DCAF12: variants seen among roughly 807,000 people sequenced by gnomAD.
The protein encoded by DCAF12 is DDB1- and CUL4-associated factor 12.
In DCAF12, 28 loss-of-function variants were observed where a neutral mutation model predicts 52.8. The observed-to-expected ratio is 0.53, with a 90% CI of 0.39 to 0.73. The LOEUF is 0.73. Among genes scored for constraint, DCAF12 ranks in the 30% least tolerant of loss-of-function variants. The pLI is 0.00. For missense variants in DCAF12, 425 were observed against 552.2 expected, an observed-to-expected ratio of 0.77 and a Z score of 2.31; for synonymous variants, 196 against 215.5, an observed-to-expected ratio of 0.91 and a Z score of 0.79.
intron 2 of DCAF12, 42 bp downstream of exon 2, chr9:34,124,981 T>G (rs751518054): frequency 6.9e-6 from 11 of 1,605,108 alleles, no homozygotes; most frequent in Non-Finnish European, 9.4e-6. Context: ...GAGCAATATA[T>G]CCACGACCTA....
chr9:34,115,047 T>C lies in DCAF12; in HGVS notation c.334-7482A>G, dbSNP rs554430906. Among the ~76,000 whole-genome samples, 8 of 152,224 alleles carry C rather than the reference T, an allele frequency of 5.3e-5. No homozygotes were observed. The East Asian group carries it at 1.4e-3, about 26-fold the overall frequency. ...TCTAAAATTCAAGGGTGTTTCAGAC[T>C]GGAGCCCAATGAGAAAGGAAAGTAA... On this transcript the variant is annotated intron_variant, in intron 2 of 8. Coordinates refer to ENST00000361264, the MANE Select transcript of DCAF12 (RefSeq NM_015397.4).
rs1381970166 is a variant in DCAF12, at chr9:34,107,557, G to A, written c.342C>T (p.Val114=). ...VCGTKCNTLF[V]VDVQTSQITK... ...TGATCTGGCTTGTCTGGACATCTAC[G>A]ACAAATAGCTACAAGAAAAAATGGA... The change falls in exon 3 of 9, where the codon GTC becomes GTT. Residue 114 remains valine, a synonymous_variant. Coordinates refer to ENST00000361264, the MANE Select transcript of DCAF12 (RefSeq NM_015397.4). 4.3e-6 allele frequency: 7 copies of A among 1,613,990 alleles called. No homozygotes were observed. Among genetic ancestry groups the A allele is most frequent in the South Asian group, 2.2e-5 (2 of 91,058 alleles).
In DCAF12 at chr9:34,107,346, TG is replaced by T. The variant is rs1237861913; in HGVS notation, c.540+12del. The T allele has an allele frequency of 2.5e-6, 4 of 1,613,300 alleles. No homozygotes were observed. The highest frequency in any genetic ancestry group is 2.5e-6 in the Non-Finnish European group (3 of 1,179,468). ...CAAGGCTCCCTCCAACTACAACTAC[TG>T]GGAAAACTTACATCTCCTACACACA... On this transcript the variant is annotated intron_variant, in intron 3 of 8. Coordinates refer to ENST00000361264, the MANE Select transcript of DCAF12 (RefSeq NM_015397.4).
chr9:34,100,368 T>A (rs1828808928), intron 4 of DCAF12, among the ~76,000 whole-genome samples: 1 of 151,358 alleles, frequency 6.6e-6, no homozygotes. Context: ...CTGGCTAATT[T>A]TTTGTATTTT....
intron 2 of DCAF12, among the ~76,000 whole-genome samples, chr9:34,111,938 T>C (rs1013070307): frequency 1.4e-4 from 21 of 150,490 alleles, no homozygotes; most frequent in African/African-American, 5.1e-4. Context: ...AGTTCAAGAC[T>C]AGCCTGGCAA....
Position 34,096,730 on chromosome 9 carries a change from T to C in DCAF12, c.847A>G (p.Asn283Asp), listed in dbSNP as rs1179878334. Reference protein sequence around the residue: ...DGYFHLWKAENTLSKLLSTKL... With the variant: ...DGYFHLWKAEDTLSKLLSTKL... Reference sequence around the variant, plus strand: ...GTTCATCACACCTTAGATAGTGTATTTTCAGCCTTCCAGAGATGAAAGTAG... The same window carrying C: ...GTTCATCACACCTTAGATAGTGTATCTTCAGCCTTCCAGAGATGAAAGTAG... Residue 283 changes from asparagine to aspartate, a missense_variant, in exon 6 of 9, where the codon AAT becomes GAT. Transcript: ENST00000361264. The C allele has an allele frequency of 6.2e-7, 1 of 1,614,062 alleles. No homozygotes were observed. Among genetic ancestry groups the C allele is most frequent in the Non-Finnish European group, 8.5e-7 (1 of 1,179,988 alleles).
intron 7 of DCAF12, among the ~76,000 whole-genome samples, chr9:34,091,496 T>TCC (rs1828643036): frequency 6.6e-6 from 1 of 151,284 alleles, no homozygotes; most frequent in South Asian, 2.1e-4. Context: ...ATTAGCTGAA[T>TCC]GAGGTGGCGG....
At chr9:34,101,632 T>C (rs1828831253) in intron 4 of DCAF12, among the ~76,000 whole-genome samples, 1 of 149,022 alleles carries the variant, frequency 6.7e-6, no homozygotes, top group Non-Finnish European at 1.5e-5. Flanking sequence ...CCTCAGGTGA[T>C]CCACCCTCCT....
chr9:34,117,686 G>A (rs537368646), intron 2 of DCAF12, among the ~76,000 whole-genome samples: 7 of 152,190 alleles, frequency 4.6e-5, no homozygotes, highest in African/African-American at 1.2e-4. Context: ...AGGCCCAGGC[G>A]GGAGGATCAC....
At chr9:34,108,424 A>C (rs545439149) in intron 2 of DCAF12, among the ~76,000 whole-genome samples, 1 of 152,348 alleles carries the variant, frequency 6.6e-6, no homozygotes, top group Non-Finnish European at 1.5e-5. Flanking sequence ...AAACATGTCA[A>C]ACCTTTACAT....
chr9:34,097,063 T>G (rs10971911), intron 5 of DCAF12, among the ~76,000 whole-genome samples: 1 of 151,864 alleles, frequency 6.6e-6, no homozygotes, highest in South Asian at 2.1e-4. Context: ...GCAGGGCACA[T>G]ATGTGAAGGA....
At chr9:34,098,175 C>G (rs1828769642) in intron 5 of DCAF12, 149 bp downstream of exon 5, 1 of 790,138 alleles carries the variant, frequency 1.3e-6, no homozygotes. Flanking sequence ...GTTATAATTT[C>G]TCACCAGCAT....
Position 34,089,602 on chromosome 9 carries a change from A to G in DCAF12, c.1025-12T>C. ...CACTGACCGGATTCCTGAAAGACAG[A>G]AAAGTAAAAGGCAGTGAGGCGGGAG... On this transcript the variant is annotated splice_polypyrimidine_tract_variant and intron_variant, in intron 7 of 8. Transcript: ENST00000361264. 1 of 1,595,790 alleles carries G rather than the reference A, an allele frequency of 6.3e-7. No individual in the cohort carries two copies. Among genetic ancestry groups the G allele is most frequent in the Non-Finnish European group, 8.6e-7 (1 of 1,169,022 alleles).
chr9:34,121,342 C>A (rs1242613376), intron 2 of DCAF12, among the ~76,000 whole-genome samples: 1 of 152,156 alleles, frequency 6.6e-6, no homozygotes, highest in Non-Finnish European at 1.5e-5. Context: ...CCATCTGGAG[C>A]AAAGTGCTAT....
chr9:34,126,556 C>T lies in DCAF12; in HGVS notation c.-125G>A, dbSNP rs1443753305. ...TAGTGCGCCCGGCCCGGAAAATGGC[C>T]CGGACCCGGAGCGGCAGCAGAAAAA... is the stretch of plus-strand genomic sequence containing the variant. On this transcript the variant is annotated 5_prime_UTR_variant, in exon 1 of 9. Transcript: ENST00000361264. 1.9e-6 allele frequency: 2 copies of T among 1,045,566 alleles called. No individual in the cohort carries two copies. Among genetic ancestry groups the T allele is most frequent in the Non-Finnish European group, 2.7e-6 (2 of 745,724 alleles). 64.8% of individuals were successfully genotyped at this position (1,045,566 alleles called of 1,614,324 possible). A position where few individuals can be genotyped will look rare whatever the true frequency, so the allele number is the denominator to read the frequency against.
intron 1 of DCAF12, chr9:34,125,536 C>T: frequency 1.7e-6 from 1 of 592,682 alleles, no homozygotes; most frequent in Non-Finnish European, 3.3e-6. Flanking sequence ...ATAGAACAGA[C>T]TAAAAGGTTT....
intron 2 of DCAF12, among the ~76,000 whole-genome samples, chr9:34,120,802 C>T (rs185731628): frequency 6.6e-6 from 1 of 152,082 alleles, no homozygotes; most frequent in East Asian, 1.9e-4. Flanking sequence ...GGCCACTCTG[C>T]AACTGTGATA....
Position 34,093,389 on chromosome 9 carries a change from T to G in DCAF12, c.921A>C (p.Glu307Asp), listed in dbSNP as rs748441165. 78 of 1,614,060 alleles carry G rather than the reference T, an allele frequency of 4.8e-5. No homozygotes were observed. In the Admixed American group the frequency reaches 1.3e-3, roughly 27 times the overall value. ...RENVCLAYGS[E>D]WSVYAVGSQA... Reference sequence around the variant, plus strand: ...GGGAGCCCACTGCATAAACTGACCATTCACTACCATAAGCCAGACACACAT... The same window carrying G: ...GGGAGCCCACTGCATAAACTGACCAGTCACTACCATAAGCCAGACACACAT... The change falls in exon 7 of 9, where the codon GAA becomes GAC. Residue 307 changes from glutamate to aspartate, a missense_variant. By Grantham distance (45) the Glu-to-Asp change is conservative. Around this residue, in one of 3 missense-constraint regions of DCAF12, gnomAD observed 328 missense variants for 444.4 expected, o/e 0.74. Coordinates refer to ENST00000361264, the MANE Select transcript of DCAF12 (RefSeq NM_015397.4).
intron 2 of DCAF12, among the ~76,000 whole-genome samples, chr9:34,120,753 C>T (rs1587742610): frequency 6.6e-6 from 1 of 151,496 alleles, no homozygotes; most frequent in Non-Finnish European, 1.5e-5. Flanking sequence ...GGTGTCCTAG[C>T]GTAAATAAAT....
Sources: allele counts gnomAD v4.1 joint callset (sites outside exome capture counted in the v4.1 genomes callset), GRCh38; gene constraint gnomAD v4.1.1; regional missense constraint gnomAD v4.1.1; transcripts MANE v1.5; gene names NCBI Gene and HGNC (gene_info 2026-07-23, HGNC 2026-07-21).